The following CADPS2 variants were observed in gnomAD, a reference collection of about 807,000 sequenced individuals.
CADPS2 encodes calcium-dependent secretion activator 2.
CADPS2 carries 93 observed loss-of-function variants against 172.5 expected under a neutral mutation model. The observed-to-expected ratio is 0.54, with a 90% confidence interval of 0.46 to 0.64. The LOEUF (loss-of-function observed/expected upper bound fraction) is 0.64, where lower values mean the gene tolerates loss of function less well. Ranked by LOEUF, CADPS2 falls within the 30% of genes least tolerant of loss-of-function variation. The probability of loss-of-function intolerance (pLI) is 0.00; values close to 1 mark genes in which losing one functional copy is unlikely to be tolerated. For synonymous variants in CADPS2, 546 were observed against 555.2 expected, an observed-to-expected ratio of 0.98 and a Z score of 0.23; for missense variants, 1,420 against 1,565.9, an observed-to-expected ratio of 0.91 and a Z score of 1.57.
intron 1 of CADPS2, among the ~76,000 whole-genome samples, chr7:122,782,114 C>T (rs1204212648): frequency 1.3e-5 from 2 of 152,202 alleles, no homozygotes; most frequent in East Asian, 3.9e-4. Flanking sequence ...TTTCTAAATG[C>T]TTAGTGTGAG....
chr7:122,674,189 CG>C (rs2082167491), intron 2 of CADPS2, among the ~76,000 whole-genome samples: 1 of 152,142 alleles, frequency 6.6e-6, no homozygotes, highest in Non-Finnish European at 1.5e-5. Context: ...CGCACAGCCC[CG>C]GGTCCCCGCC....
At chr7:122,366,614 C>CACACACACACAT (rs2040894678) in intron 25 of CADPS2, among the ~76,000 whole-genome samples, 2 of 46,100 alleles carry the variant, frequency 4.3e-5, no homozygotes, top group African/African-American at 2.4e-4. Flanking sequence ...CAAAAATACA[C>CACACACACACAT]ACACACACAC....
intron 8 of CADPS2, among the ~76,000 whole-genome samples, chr7:122,522,667 A>G (rs2131069251): frequency 6.6e-6 from 1 of 152,234 alleles, no homozygotes; most frequent in East Asian, 1.9e-4. Flanking sequence ...TATTCCTTCT[A>G]TGTGACTATA....
intron 7 of CADPS2, among the ~76,000 whole-genome samples, chr7:122,557,533 A>C (rs1313044804): frequency 2.6e-5 from 4 of 152,172 alleles, no homozygotes; most frequent in Non-Finnish European, 4.4e-5. Context: ...ATCCTGAGGC[A>C]GAATGGGGAG....
intron 1 of CADPS2, among the ~76,000 whole-genome samples, chr7:122,779,668 T>C (rs1243725020): frequency 4.6e-5 from 7 of 152,160 alleles, no homozygotes; most frequent in Non-Finnish European, 8.8e-5. Flanking sequence ...CCCTTTCTAA[T>C]AGTACTTCAA....
intron 17 of CADPS2, among the ~76,000 whole-genome samples, chr7:122,437,680 A>G (rs188370154): frequency 3.9e-5 from 6 of 152,198 alleles, no homozygotes; most frequent in African/African-American, 1.4e-4. Context: ...ACTTTTAATT[A>G]CATAAATTAA....
chr7:122,518,415 C>A (rs1436975046), intron 8 of CADPS2, among the ~76,000 whole-genome samples: 1 of 152,068 alleles, frequency 6.6e-6, no homozygotes, highest in Non-Finnish European at 1.5e-5. Flanking sequence ...AACAGATCTT[C>A]AATAGCTATT....
intron 8 of CADPS2, among the ~76,000 whole-genome samples, chr7:122,543,009 A>T (rs2063256914): frequency 6.6e-6 from 1 of 152,106 alleles, no homozygotes; most frequent in Non-Finnish European, 1.5e-5. Context: ...GACTTGGGGC[A>T]ACACTATCAT....
intron 2 of CADPS2, among the ~76,000 whole-genome samples, chr7:122,724,168 A>T (rs2090828046): frequency 6.6e-6 from 1 of 152,042 alleles, no homozygotes; most frequent in South Asian, 2.1e-4. Flanking sequence ...CCTATAACTT[A>T]AAGTATAATA....
intron 2 of CADPS2, among the ~76,000 whole-genome samples, chr7:122,688,189 G>C (rs1391479042): frequency 1.3e-5 from 2 of 152,156 alleles, no homozygotes; most frequent in Non-Finnish European, 2.9e-5. Flanking sequence ...TTGGTAAATT[G>C]GAGATGAACT....
At chr7:122,690,072 G>A (rs1474337606) in intron 2 of CADPS2, among the ~76,000 whole-genome samples, 3 of 152,176 alleles carry the variant, frequency 2.0e-5, no homozygotes, top group Admixed American at 6.5e-5. Flanking sequence ...GGACAGTGCC[G>A]ATCCAACAGT....
chr7:122,526,563 C>T (rs1363660326), intron 8 of CADPS2, among the ~76,000 whole-genome samples: 1 of 152,162 alleles, frequency 6.6e-6, no homozygotes, highest in African/African-American at 2.4e-5. Context: ...TGGGTTCTCA[C>T]TACTCTTCCA....
At chr7:122,806,179 T>C (rs1240487010) in intron 1 of CADPS2, among the ~76,000 whole-genome samples, 1 of 152,194 alleles carries the variant, frequency 6.6e-6, no homozygotes, top group Admixed American at 6.5e-5. Flanking sequence ...AATTATAAAT[T>C]CAAGTTAGGA....
At chr7:122,501,576 A>T (rs1237968735) in intron 9 of CADPS2, among the ~76,000 whole-genome samples, 1 of 152,020 alleles carries the variant, frequency 6.6e-6, no homozygotes, top group African/African-American at 2.4e-5. Context: ...TTGGCCAGGC[A>T]TGGTGGTACA....
At chr7:122,458,880 A>G (rs1278655445) in intron 14 of CADPS2, among the ~76,000 whole-genome samples, 1 of 152,148 alleles carries the variant, frequency 6.6e-6, no homozygotes, top group Non-Finnish European at 1.5e-5. Flanking sequence ...AATTTAAAAT[A>G]AAAGTAAAGA....
At chr7:122,864,762 G>A (rs898729693) in intron 1 of CADPS2, among the ~76,000 whole-genome samples, 2 of 152,064 alleles carry the variant, frequency 1.3e-5, no homozygotes, top group Non-Finnish European at 2.9e-5. Context: ...TTAAGATATG[G>A]GCCCTAGACT....
intron 1 of CADPS2, among the ~76,000 whole-genome samples, chr7:122,771,546 G>A (rs1055366256): frequency 6.6e-6 from 1 of 152,194 alleles, no homozygotes; most frequent in African/African-American, 2.4e-5. Context: ...AGTGGAGAAA[G>A]TGGCAAGGAA....
At chr7:122,877,091 T>A (rs1384271925) in intron 1 of CADPS2, among the ~76,000 whole-genome samples, 2 of 152,124 alleles carry the variant, frequency 1.3e-5, no homozygotes, top group African/African-American at 4.8e-5. Context: ...AGGTAGAAAT[T>A]ACCCGAGAAA....
At chr7:122,469,176 T>C (rs1048782834) in intron 14 of CADPS2, among the ~76,000 whole-genome samples, 1 of 152,208 alleles carries the variant, frequency 6.6e-6, no homozygotes, top group Non-Finnish European at 1.5e-5. Flanking sequence ...GCAGCAGCAG[T>C]AGCTCCTTGT....
Sources: allele counts gnomAD v4.1 joint callset (sites outside exome capture counted in the v4.1 genomes callset), GRCh38; gene constraint gnomAD v4.1.1; transcripts MANE v1.5; gene names NCBI Gene and HGNC (gene_info 2026-07-23, HGNC 2026-07-21).